HAPLN2: variants seen among roughly 807,000 people sequenced by gnomAD.
The protein encoded by HAPLN2 is brain link protein-1.
In HAPLN2, 27 loss-of-function variants were observed where a neutral mutation model predicts 29.3. That is an observed-to-expected ratio of 0.92 (90% confidence interval 0.68 to 1.27). The LOEUF is 1.27. HAPLN2 is among the 50% of genes most tolerant of loss of function. The pLI, the probability that HAPLN2 is intolerant of heterozygous loss-of-function variation, is 0.00. For synonymous variants in HAPLN2, 208 were observed against 211.7 expected, an observed-to-expected ratio of 0.98 and a Z score of 0.15; for missense variants, 454 against 484.3, an observed-to-expected ratio of 0.94 and a Z score of 0.59.
chr1:156,601,821 G>C, the HAPLN2 span, among the ~76,000 whole-genome samples: 5 of 140,578 alleles, frequency 3.6e-5, no homozygotes, highest in Admixed American at 7.1e-5. Flanking sequence ...AGGCAGAGTA[G>C]GTGATAGCTG....
chr1:156,612,354 A>G, the HAPLN2 span, among the ~76,000 whole-genome samples: 3 of 152,144 alleles, frequency 2.0e-5, no homozygotes, highest in Non-Finnish European at 4.4e-5. Flanking sequence ...TGGTATATCC[A>G]GGTGAAGCTG....
the HAPLN2 span, among the ~76,000 whole-genome samples, chr1:156,604,291 T>TC: frequency 9.0e-3 from 96 of 10,668 alleles, 1 homozygote; most frequent in South Asian, 0.054. Context: ...TGTTGAAGAA[T>TC]TCTTTTTTTT....
chr1:156,617,440 T>C (rs4638122), upstream of HAPLN2, among the ~76,000 whole-genome samples: 142,239 of 150,188 alleles, frequency 0.95, 67,870 homozygotes, highest in East Asian at 1. Flanking sequence ...AACCTCCTCC[T>C]GGGTTCAAGC....
Position 156,624,482 on chromosome 1 carries a change from C to A in HAPLN2, c.556+15C>A. The A allele has an allele frequency of 6.2e-7, 1 of 1,610,756 alleles. No homozygotes were observed. ...GCTCTACCAGGGTGAGCGGCCGAACCCAGCACTTCCCAAGCCCCGCGGAGC... is the reference window on the plus strand; with the variant it reads ...GCTCTACCAGGGTGAGCGGCCGAACACAGCACTTCCCAAGCCCCGCGGAGC... On this transcript the variant is annotated intron_variant, in intron 5 of 6. Coordinates refer to ENST00000255039, the MANE Select transcript of HAPLN2 (RefSeq NM_021817.3).
upstream of HAPLN2, among the ~76,000 whole-genome samples, chr1:156,615,951 T>C (rs1454926860): frequency 6.6e-6 from 1 of 152,058 alleles, no homozygotes; most frequent in Non-Finnish European, 1.5e-5. Flanking sequence ...AAAAAAATTA[T>C]TAAAAAAATG....
the HAPLN2 span, among the ~76,000 whole-genome samples, chr1:156,605,885 C>G: frequency 2.0e-5 from 3 of 150,922 alleles, no homozygotes; most frequent in Admixed American, 6.6e-5. Flanking sequence ...CATGGTGGCT[C>G]AAGCCTATAA....
At chr1:156,601,509 C>T in the HAPLN2 span, 4 of 1,554,060 alleles carry the variant, frequency 2.6e-6, no homozygotes, top group African/African-American at 1.4e-5. Flanking sequence ...GCTGTCGAAA[C>T]CATAGAGACG....
chr1:156,610,645 AAAAAAAAGAAAAG>A, the HAPLN2 span, among the ~76,000 whole-genome samples: 18 of 152,150 alleles, frequency 1.2e-4, no homozygotes, highest in Non-Finnish European at 1.9e-4. Flanking sequence ...CGTCTCAAAA[AAAAAAAAGAAAAG>A]AAAAAAAGAA....
chr1:156,616,586 C>T (rs529379139), upstream of HAPLN2, among the ~76,000 whole-genome samples: 7 of 152,236 alleles, frequency 4.6e-5, no homozygotes, highest in African/African-American at 1.7e-4. Flanking sequence ...GGCTGTGGAG[C>T]CATTTATATC....
chr1:156,601,510 C>T, the HAPLN2 span: 11 of 1,550,834 alleles, frequency 7.1e-6, no homozygotes, highest in Middle Eastern at 5.1e-4. Context: ...CTGTCGAAAC[C>T]ATAGAGACGT....
At chr1:156,624,908 A>AGGGC in intron 6 of HAPLN2, 125 bp downstream of exon 6, 1 of 1,017,138 alleles carries the variant, frequency 9.8e-7, no homozygotes, top group Non-Finnish European at 1.4e-6. Flanking sequence ...CCCCCCCATC[A>AGGGC]GCCCGCCCGC....
At chr1:156,618,774 G>A (rs548966448), upstream of HAPLN2, among the ~76,000 whole-genome samples, 10 of 91,424 alleles carry the variant, frequency 1.1e-4, no homozygotes, top group East Asian at 1.1e-3. Context: ...GCGAGACTCC[G>A]TCTCAAAAAA....
At chr1:156,618,778 C>CAAAAA (rs67222173), upstream of HAPLN2, among the ~76,000 whole-genome samples, 3 of 41,654 alleles carry the variant, frequency 7.2e-5, no homozygotes, top group Non-Finnish European at 1.1e-4. Context: ...GACTCCGTCT[C>CAAAAA]AAAAAAAAAA....
At chr1:156,604,250 C>T in the HAPLN2 span, among the ~76,000 whole-genome samples, 8 of 150,108 alleles carry the variant, frequency 5.3e-5, no homozygotes, top group Non-Finnish European at 7.4e-5. Context: ...TGTAAACATA[C>T]AATGGACTAA....
Position 156,623,794 on chromosome 1 carries a change from C to T in HAPLN2, c.86-13C>T, listed in dbSNP as rs767217495. On this transcript the variant is annotated splice_polypyrimidine_tract_variant and intron_variant, in intron 3 of 6. Transcript: ENST00000255039. ...GATTGGGGGTTCCTGCCACTGTGGCCCCCTCTGCCCAGCATCCCACCCGGG... is the reference window on the plus strand; with the variant it reads ...GATTGGGGGTTCCTGCCACTGTGGCTCCCTCTGCCCAGCATCCCACCCGGG... 8.1e-6 allele frequency: 12 copies of T among 1,488,092 alleles called. No homozygotes were observed. In the South Asian group the frequency reaches 1.7e-4, roughly 21 times the overall value. The allele number at this position is 1,488,092 out of a possible 1,614,324, so 92.2% of individuals were successfully genotyped here.
At position 156,625,622 on chromosome 1, in the gene HAPLN2, C is replaced by G; in HGVS notation, c.*238C>G. On this transcript the variant is annotated 3_prime_UTR_variant, in exon 7 of 7. Coordinates refer to ENST00000255039, the MANE Select transcript of HAPLN2 (RefSeq NM_021817.3). The surrounding 1 kb of genome is among the most constrained non-coding windows in gnomAD (Gnocchi z 5.7). ...GGTGACCCTCGGACCCGCTGCCGTT[C>G]GCGAACCCTAGCAGAGGACTCAGCC... 1 of 459,220 alleles carries G rather than the reference C, an allele frequency of 2.2e-6. No individual in the cohort carries two copies. The highest frequency in any genetic ancestry group is 3.8e-6 in the Non-Finnish European group (1 of 263,704). 28.4% of individuals were successfully genotyped at this position (459,220 alleles called of 1,614,324 possible).
chr1:156,625,394 G>T lies in HAPLN2; in HGVS notation c.*10G>T. ...CTACGCCGAGAATTAGGCGCCCACC[G>T]TGTCCCCTCCAGCGCGCGCGAAGAA... On this transcript the variant is annotated 3_prime_UTR_variant, in exon 7 of 7. Coordinates refer to ENST00000255039, the MANE Select transcript of HAPLN2 (RefSeq NM_021817.3). This position sits in a 1 kb window ranked among gnomAD's most constrained non-coding sequence, Gnocchi z 5.7. 6.3e-7 allele frequency: 1 copy of T among 1,576,544 alleles called. No homozygotes were observed. The highest frequency in any genetic ancestry group is 8.6e-7 in the Non-Finnish European group (1 of 1,160,330).
At chr1:156,602,713 A>G in the HAPLN2 span, among the ~76,000 whole-genome samples, 626 of 150,364 alleles carry the variant, frequency 4.2e-3, 3 homozygotes, top group African/African-American at 0.015. Context: ...AATGCATGCC[A>G]GGCTGAGGAG....
intron 4 of HAPLN2, 55 bp from the exon 5 acceptor site, chr1:156,624,296 C>A: frequency 6.5e-7 from 1 of 1,528,802 alleles, no homozygotes; most frequent in Non-Finnish European, 8.9e-7. Context: ...CGCCGCCCTT[C>A]CTCCCCCTCC....
Sources: gnomAD v4.1 joint callset for allele counts (sites outside exome capture counted in the v4.1 genomes callset) on GRCh38, gnomAD v4.1.1 for gene constraint, Gnocchi (gnomAD v3.1) non-coding constraint, MANE v1.5 for transcripts, NCBI Gene and HGNC (gene_info 2026-07-23, HGNC 2026-07-21) for gene names.